The following COL25A1 variants were observed in gnomAD, a reference collection of about 807,000 sequenced individuals.
COL25A1 encodes the protein collagen type XXV alpha 1 chain.
In COL25A1, 103 loss-of-function variants were observed where a neutral mutation model predicts 128.4. The observed-to-expected ratio is 0.80, with a 90% CI of 0.68 to 0.94. COL25A1 has a LOEUF of 0.94. COL25A1 is among the 40% of genes least tolerant of loss of function. COL25A1 has a pLI of 0.00. For missense variants in COL25A1, 745 were observed against 840.0 expected, an observed-to-expected ratio of 0.89 and a Z score of 1.40; for synonymous variants, 279 against 277.2, an observed-to-expected ratio of 1.01 and a Z score of -0.06.
chr4:109,053,644 T>C (rs1340304513), intron 3 of COL25A1, among the ~76,000 whole-genome samples: 1 of 152,288 alleles, frequency 6.6e-6, no homozygotes, highest in East Asian at 1.9e-4. Context: ...CTCCTAAGAG[T>C]ATAATATTTC....
intron 3 of COL25A1, among the ~76,000 whole-genome samples, chr4:109,063,086 T>C (rs1473076571): frequency 2.6e-5 from 4 of 152,130 alleles, no homozygotes; most frequent in African/African-American, 9.7e-5. Flanking sequence ...AAAATAAAAA[T>C]AAAGAACAAT....
chr4:109,091,732 GA>G (rs546146394), intron 3 of COL25A1, among the ~76,000 whole-genome samples: 3,674 of 129,312 alleles, frequency 0.028, 80 homozygotes, highest in Middle Eastern at 0.14. Flanking sequence ...TCTTTAGGTG[GA>G]AAAAAAAAAA....
At chr4:108,882,641 T>C (rs987795698) in intron 19 of COL25A1, among the ~76,000 whole-genome samples, 1 of 152,198 alleles carries the variant, frequency 6.6e-6, no homozygotes, top group African/African-American at 2.4e-5. Flanking sequence ...TGAAACCACC[T>C]ATTAATTTGT....
intron 3 of COL25A1, among the ~76,000 whole-genome samples, chr4:109,200,838 C>A (rs940905933): frequency 2.6e-5 from 4 of 152,026 alleles, no homozygotes; most frequent in Non-Finnish European, 4.4e-5. Flanking sequence ...TCAGATCTTT[C>A]ATCTCTTTTT....
chr4:109,037,430 G>A (rs1230814705), intron 5 of COL25A1, among the ~76,000 whole-genome samples: 2 of 152,154 alleles, frequency 1.3e-5, no homozygotes, highest in Admixed American at 6.5e-5. Flanking sequence ...GGTCTGCAGC[G>A]CAGCCTACTC....
intron 8 of COL25A1, among the ~76,000 whole-genome samples, chr4:108,966,680 T>C (rs143159117): frequency 6.6e-6 from 1 of 151,714 alleles, no homozygotes. Context: ...TGAAACCCTG[T>C]CTCTACTAAA....
intron 5 of COL25A1, among the ~76,000 whole-genome samples, chr4:109,032,921 C>T (rs1759004479): frequency 6.6e-6 from 1 of 152,176 alleles, no homozygotes; most frequent in Non-Finnish European, 1.5e-5. Context: ...CCGCCTGGAG[C>T]ATGGCTGACT....
chr4:109,083,242 ATTAG>A (rs1215925707), intron 3 of COL25A1, among the ~76,000 whole-genome samples: 2 of 152,056 alleles, frequency 1.3e-5, no homozygotes, highest in Non-Finnish European at 2.9e-5. Context: ...ACTGATGTAA[ATTAG>A]TTTGTTTAGT....
intron 3 of COL25A1, among the ~76,000 whole-genome samples, chr4:109,114,955 C>T (rs1767393442): frequency 6.6e-6 from 1 of 152,014 alleles, no homozygotes; most frequent in African/African-American, 2.4e-5. Context: ...CAAAATCAAA[C>T]AACAGTCAAA....
chr4:108,916,651 T>C (rs1345713540), intron 13 of COL25A1, among the ~76,000 whole-genome samples: 1 of 152,208 alleles, frequency 6.6e-6, no homozygotes, highest in Non-Finnish European at 1.5e-5. Context: ...AATGTTATCT[T>C]GAGTTATATA....
intron 19 of COL25A1, among the ~76,000 whole-genome samples, chr4:108,883,912 G>A (rs921141099): frequency 6.6e-6 from 1 of 152,150 alleles, no homozygotes. Context: ...AAGAATTCCT[G>A]TGACTTCAAA....
At chr4:109,007,215 G>A (rs928820665) in intron 6 of COL25A1, among the ~76,000 whole-genome samples, 2 of 151,876 alleles carry the variant, frequency 1.3e-5, no homozygotes, top group African/African-American at 4.8e-5. Flanking sequence ...TAGGTAATGG[G>A]GAAAACAAAA....
chr4:109,090,579 G>C (rs1484536685), intron 3 of COL25A1, among the ~76,000 whole-genome samples: 2 of 152,152 alleles, frequency 1.3e-5, no homozygotes, highest in African/African-American at 4.8e-5. Context: ...ATGTAGTTAT[G>C]TTATGTCTAA....
intron 18 of COL25A1, among the ~76,000 whole-genome samples, chr4:108,887,173 C>A (rs1160090225): frequency 6.6e-6 from 1 of 152,108 alleles, no homozygotes; most frequent in African/African-American, 2.4e-5. Context: ...AACTCTAGAT[C>A]TCAAACTCTC....
intron 13 of COL25A1, among the ~76,000 whole-genome samples, chr4:108,909,499 A>C (rs1449530230): frequency 2.0e-5 from 3 of 152,220 alleles, no homozygotes; most frequent in Non-Finnish European, 4.4e-5. Flanking sequence ...AAATAAGAAA[A>C]CATGTTAGTT....
intron 3 of COL25A1, among the ~76,000 whole-genome samples, chr4:109,134,466 A>G (rs1297731129): frequency 2.0e-5 from 3 of 152,166 alleles, no homozygotes; most frequent in Non-Finnish European, 4.4e-5. Flanking sequence ...AGCCTGTTTC[A>G]ATCTACCCAG....
chr4:109,035,922 T>TTA (rs939583453), intron 5 of COL25A1, among the ~76,000 whole-genome samples: 8 of 151,804 alleles, frequency 5.3e-5, no homozygotes, highest in Non-Finnish European at 1.0e-4. Flanking sequence ...TTATTTTTAT[T>TTA]TTTATTTATT....
chr4:108,818,836 T>C (rs1041825928), intron 36 of COL25A1, among the ~76,000 whole-genome samples: 2 of 148,436 alleles, frequency 1.3e-5, no homozygotes, highest in African/African-American at 4.9e-5. Context: ...CTGATTGAAA[T>C]ATAGCGAAAA....
intron 3 of COL25A1, among the ~76,000 whole-genome samples, chr4:109,135,113 T>C (rs1421555356): frequency 6.6e-6 from 1 of 150,448 alleles, no homozygotes; most frequent in African/African-American, 2.4e-5. Context: ...TGATCAAGTG[T>C]GAACTGGGGT....
Sources: gnomAD v4.1 joint callset for allele counts (sites outside exome capture counted in the v4.1 genomes callset) on GRCh38, gnomAD v4.1.1 for gene constraint, MANE v1.5 for transcripts, NCBI Gene and HGNC (gene_info 2026-07-23, HGNC 2026-07-21) for gene names.